Variants in AOC1 observed in about 807,000 individuals in gnomAD.
AOC1 encodes diamine oxidase [copper-containing].
In AOC1, 58 loss-of-function variants were observed where a neutral mutation model predicts 57.1. The observed-to-expected ratio is 1.02, with a 90% CI of 0.82 to 1.26. AOC1 has a LOEUF of 1.26. Among genes scored for constraint, AOC1 ranks in the 50% most tolerant of loss-of-function variants. The pLI is 0.00. For synonymous variants in AOC1, 401 were observed against 423.4 expected (o/e 0.95, Z 0.65); for missense variants, 917 against 1,005.3 (o/e 0.91, Z 1.19).
intron 4 of AOC1, 103 bp downstream of exon 4, chr7:150,860,736 C>A: frequency 6.9e-7 from 1 of 1,452,776 alleles, no homozygotes; most frequent in Non-Finnish European, 9.4e-7. Flanking sequence ...CACCCTTTGC[C>A]CAGATCTGTC....
chr7:150,858,179 C>G (rs1799853945), intron 2 of AOC1, 139 bp downstream of exon 2: 1 of 1,243,292 alleles, frequency 8.0e-7, no homozygotes, highest in African/African-American at 1.5e-5. Flanking sequence ...AAACCTAAAG[C>G]TAGAAATTTG....
chr7:150,857,753 G>A lies in AOC1; in HGVS notation c.1283G>A (p.Arg428Gln), dbSNP rs368886790. The change falls in exon 2 of 5, where the codon CGG (arginine) becomes CAG (glutamine). Residue 428 changes from arginine to glutamine, a missense_variant. Transcript: ENST00000360937. This position sits in a 1 kb window ranked among gnomAD's most constrained non-coding sequence, Gnocchi z 6.6. ...GAAATGCCCACAGGGGTGCCCCTTC[G>A]GCGGCACTTTAATTCCAACTTTAAA... ...LFEMPTGVPL[R>Q]RHFNSNFKGG... is the part of the protein sequence containing the mutation. 12 of 1,614,038 alleles carry A rather than the reference G, an allele frequency of 7.4e-6. No individual in the cohort carries two copies. Among genetic ancestry groups the A allele is most frequent in the Middle Eastern group, 1.6e-4 (1 of 6,084 alleles).
chr7:150,860,639 GC>G lies in AOC1; in HGVS notation c.1989+9del. The G allele has an allele frequency of 1.2e-6, 2 of 1,613,518 alleles. No homozygotes were observed. Among genetic ancestry groups the G allele is most frequent in the Non-Finnish European group, 1.7e-6 (2 of 1,179,628 alleles). ...ACGAGAACATTGAAAATGAGGTACT[GC>G]CCTGTCCCCAGCCCTGCCCGGTGCT... is the stretch of plus-strand genomic sequence containing the variant. On this transcript the variant is annotated splice_region_variant and intron_variant, in intron 4 of 4. Coordinates refer to ENST00000360937, the MANE Select transcript of AOC1 (RefSeq NM_001091.4).
Position 150,856,542 on chromosome 7 carries a change from G to C in AOC1, c.72G>C (p.Gly24=), listed in dbSNP as rs945434201. The C allele has an allele frequency of 6.2e-7, 1 of 1,614,154 alleles. No homozygotes were observed. Among genetic ancestry groups the C allele is most frequent in the Non-Finnish European group, 8.5e-7 (1 of 1,179,994 alleles). ...LQTAMAEPSP[G]TLPRKAGVFS... ...CGGCCATGGCGGAGCCCTCCCCGGG[G>C]ACTCTGCCCAGGAAGGCAGGGGTGT... Residue 24 remains glycine, a synonymous_variant, in exon 2 of 5, where the codon GGG becomes GGC. Transcript: ENST00000360937. This position sits in a 1 kb window ranked among gnomAD's most constrained non-coding sequence, Gnocchi z 5.2.
In AOC1 at chr7:150,860,918, C is replaced by G. The variant is rs374940654; in HGVS notation, c.1990-25C>G. ...AGTGGTCAGTACTCAGCCCTGCCCACTGAAGCCCACCCTGTCTCCTGCAGG... is the reference window on the plus strand; with the variant it reads ...AGTGGTCAGTACTCAGCCCTGCCCAGTGAAGCCCACCCTGTCTCCTGCAGG... On this transcript the variant is annotated intron_variant, in intron 4 of 4. Transcript: ENST00000360937. The G allele has an allele frequency of 1.9e-4, 302 of 1,601,548 alleles. 1 individual carries two copies. The highest frequency in any genetic ancestry group is 2.5e-4 in the Non-Finnish European group (291 of 1,175,138).
chr7:150,856,745 A>G lies in AOC1; in HGVS notation c.275A>G (p.His92Arg), dbSNP rs375216693. Residue 92 changes from histidine (H) to arginine (R), a missense_variant, in exon 2 of 5, where the codon CAT (histidine) becomes CGT (arginine). Transcript: ENST00000360937. The surrounding 1 kb of genome is among the most constrained non-coding windows in gnomAD (Gnocchi z 5.2). ...VLRFLDKGER[H>R]PVREARAVIF... ...AGGTTTCTGGATAAAGGTGAAAGGC[A>G]TCCTGTGCGGGAAGCCCGTGCCGTC... 4 of 1,614,162 alleles carry G rather than the reference A, an allele frequency of 2.5e-6. No individual in the cohort carries two copies. In the African/African-American group the frequency reaches 5.3e-5, roughly 22 times the overall value.
In AOC1 at chr7:150,857,877, C is replaced by G. The variant is rs1373409908; in HGVS notation, c.1407C>G (p.Phe469Leu). The G allele has an allele frequency of 6.2e-7, 1 of 1,613,770 alleles. No homozygotes were observed. Among genetic ancestry groups the G allele is most frequent in the Admixed American group, 1.7e-5 (1 of 60,008 alleles). Reference sequence around the variant, plus strand: ...ATGATTACATTTGGGACTTTATCTTCTACCCCAACGGGGTGATGGAGGCCA... The same window carrying G: ...ATGATTACATTTGGGACTTTATCTTGTACCCCAACGGGGTGATGGAGGCCA... ...YNYDYIWDFI[F>L]YPNGVMEAKM... The change falls in exon 2 of 5, where the codon TTC becomes TTG. Residue 469 changes from phenylalanine to leucine, a missense_variant. Physicochemically the swap from Phe to Leu is conservative, Grantham distance 22. Coordinates refer to ENST00000360937, the MANE Select transcript of AOC1 (RefSeq NM_001091.4). This position sits in a 1 kb window ranked among gnomAD's most constrained non-coding sequence, Gnocchi z 6.6.
chr7:150,861,373 C>T lies in AOC1; in HGVS notation c.*164C>T, dbSNP rs1584807177. 4 of 701,658 alleles carry T rather than the reference C, an allele frequency of 5.7e-6. No homozygotes were observed. In the Admixed American group the frequency reaches 1.2e-4, roughly 22 times the overall value. 43.5% of individuals were successfully genotyped at this position (701,658 alleles called of 1,614,324 possible). On this transcript the variant is annotated 3_prime_UTR_variant, in exon 5 of 5. Transcript: ENST00000360937. The surrounding 1 kb of genome is among the most constrained non-coding windows in gnomAD (Gnocchi z 4.5). ...ACAGACGTGCACACACACAGACGTGCACACACACACAGACATGCACACACA... is the reference window on the plus strand; with the variant it reads ...ACAGACGTGCACACACACAGACGTGTACACACACACAGACATGCACACACA...
In AOC1 at chr7:150,856,872, C is replaced by A. The variant is rs369516482; in HGVS notation, c.402C>A (p.Tyr134Ter). 6.2e-7 allele frequency: 1 copy of A among 1,613,988 alleles called. No individual in the cohort carries two copies. The highest frequency in any genetic ancestry group is 8.5e-7 in the Non-Finnish European group (1 of 1,179,980). The stretch of plus-strand genomic sequence containing the variant: ...GAGCACTGTCCCCCAGGCCTGGGTA[C>A]CAGTCCTCCTGGGCATCGAGGCCCA... ...YMRALSPRPG[Y>*]QSSWASRPIS... The change falls in exon 2 of 5, where the codon TAC (tyrosine) becomes TAA (stop). Residue 134 changes from tyrosine to a stop codon, truncating the protein, a stop_gained. Transcript: ENST00000360937. LOFTEE classifies it high-confidence loss of function. This position sits in a 1 kb window ranked among gnomAD's most constrained non-coding sequence, Gnocchi z 5.2.
In AOC1 at chr7:150,852,836, C is replaced by T. The variant is rs1056543535; in HGVS notation, c.-17+278C>T. ...TGCCTGGAGGTCTCACCAGCCACCA[C>T]CCCCACTGCCACTGCACATGGGGAC... On this transcript the variant is annotated intron_variant, in intron 1 of 4. Transcript: ENST00000360937. This position sits in a 1 kb window ranked among gnomAD's most constrained non-coding sequence, Gnocchi z 4.6. Among the ~76,000 whole-genome samples the T allele has an allele frequency of 5.9e-5, 9 of 152,118 alleles. No homozygotes were observed. Among genetic ancestry groups the T allele is most frequent in the Non-Finnish European group, 1.2e-4 (8 of 68,040 alleles).
Position 150,861,410 on chromosome 7 carries a change from A to ATG in AOC1, c.*201_*202insTG, listed in dbSNP as rs1799966543. ...GACATGCACACACACACAGACGTGC[A>ATG]CACACACAGACGTGCACGCACTCAC... is the stretch of plus-strand genomic sequence containing the variant. On this transcript the variant is annotated 3_prime_UTR_variant, in exon 5 of 5. Transcript: ENST00000360937. The surrounding 1 kb of genome is among the most constrained non-coding windows in gnomAD (Gnocchi z 4.5). 5.2e-6 allele frequency: 3 copies of ATG among 573,646 alleles called. No individual in the cohort carries two copies. Among genetic ancestry groups the ATG allele is most frequent in the Non-Finnish European group, 8.8e-6 (3 of 339,276 alleles). 35.5% of individuals were successfully genotyped at this position (573,646 alleles called of 1,614,324 possible).
chr7:150,860,350 G>A, intron 3 of AOC1, 151 bp from the exon 4 acceptor site: 1 of 1,378,310 alleles, frequency 7.3e-7, no homozygotes, highest in Non-Finnish European at 9.8e-7. Flanking sequence ...GTTAACAGCA[G>A]CCCGTCCTGC....
chr7:150,856,325 G>C lies in AOC1; in HGVS notation c.-16-130G>C. 8.1e-7 allele frequency: 1 copy of C among 1,231,792 alleles called. No individual in the cohort carries two copies. The highest frequency in any genetic ancestry group is 1.1e-6 in the Non-Finnish European group (1 of 909,152). 76.3% of individuals were successfully genotyped at this position (1,231,792 alleles called of 1,614,324 possible). On this transcript the variant is annotated intron_variant, in intron 1 of 4. Transcript: ENST00000360937. The surrounding 1 kb of genome is among the most constrained non-coding windows in gnomAD (Gnocchi z 5.2). The stretch of plus-strand genomic sequence containing the variant: ...ATGCATGGGGCCCCAGCTGCCCCAG[G>C]ACAGCCTCCAGCTTGGGGCAGGGCA...
In AOC1 at chr7:150,857,038, C is replaced by T. The variant is rs374401802; in HGVS notation, c.568C>T (p.Arg190Trp). The change falls in exon 2 of 5, where the codon CGG (arginine) becomes TGG (tryptophan). Residue 190 changes from arginine (R) to tryptophan (W), a missense_variant. By Grantham distance (101) the Arg-to-Trp change is moderately radical. Transcript: ENST00000360937. The surrounding 1 kb of genome is among the most constrained non-coding windows in gnomAD (Gnocchi z 6.6). The stretch of plus-strand genomic sequence containing the variant: ...CCTGGCCTTCACCGATGTGGCCCCC[C>T]GGGGTGTGGCTTCTGGCCAGCGCCG... ...RCLAFTDVAP[R>W]GVASGQRRSW... 1.5e-5 allele frequency: 24 copies of T among 1,614,028 alleles called. No individual in the cohort carries two copies. Among genetic ancestry groups the T allele is most frequent in the African/African-American group, 8.0e-5 (6 of 74,942 alleles).
At chr7:150,853,053 T>C (rs1331159373) in intron 1 of AOC1, among the ~76,000 whole-genome samples, 1 of 151,994 alleles carries the variant, frequency 6.6e-6, no homozygotes, top group South Asian at 2.1e-4. Flanking sequence ...AGATTCCAAA[T>C]ACAGGACGTT....
In AOC1 at chr7:150,861,346, G is replaced by A. The variant is rs548806475; in HGVS notation, c.*137G>A. 2.6e-5 allele frequency: 26 copies of A among 1,002,500 alleles called. No homozygotes were observed. In the Admixed American group the frequency reaches 4.4e-4, roughly 17 times the overall value. 62.1% of individuals were successfully genotyped at this position (1,002,500 alleles called of 1,614,324 possible). A position where few individuals can be genotyped will look rare whatever the true frequency, so the allele number is the denominator to read the frequency against. ...AGGGCCATGTGTGTAGGAAACACACGAACAGACGTGCACACACACAGACGT... is the reference window on the plus strand; with the variant it reads ...AGGGCCATGTGTGTAGGAAACACACAAACAGACGTGCACACACACAGACGT... On this transcript the variant is annotated 3_prime_UTR_variant, in exon 5 of 5. Coordinates refer to ENST00000360937, the MANE Select transcript of AOC1 (RefSeq NM_001091.4). The surrounding 1 kb of genome is among the most constrained non-coding windows in gnomAD (Gnocchi z 4.5).
chr7:150,860,115 G>A (rs1190233184), intron 3 of AOC1, among the ~76,000 whole-genome samples: 1 of 151,584 alleles, frequency 6.6e-6, no homozygotes, highest in Non-Finnish European at 1.5e-5. Flanking sequence ...GGAGGCAGAG[G>A]TTGCAGTGAG....
chr7:150,856,706 A>C lies in AOC1; in HGVS notation c.236A>C (p.Lys79Thr), dbSNP rs1312522071. Reference sequence around the variant, plus strand: ...CTCATCGAGATGCTGCTGCCCAAGAAGTACCATGTGCTGAGGTTTCTGGAT... The same window carrying C: ...CTCATCGAGATGCTGCTGCCCAAGACGTACCATGTGCTGAGGTTTCTGGAT... ...VFLIEMLLPKKYHVLRFLDKG... is the reference protein window; with the variant it reads ...VFLIEMLLPKTYHVLRFLDKG... The change falls in exon 2 of 5, where the codon AAG becomes ACG. Residue 79 changes from lysine (K) to threonine (T), a missense_variant. Lys to Thr is a moderately conservative substitution (Grantham distance 78, BLOSUM62 -1). Coordinates refer to ENST00000360937, the MANE Select transcript of AOC1 (RefSeq NM_001091.4). The surrounding 1 kb of genome is among the most constrained non-coding windows in gnomAD (Gnocchi z 5.2). 1 of 1,614,154 alleles carries C rather than the reference A, an allele frequency of 6.2e-7. No homozygotes were observed.
Position 150,856,629 on chromosome 7 carries a change from G to A in AOC1, c.159G>A (p.Glu53=), listed in dbSNP as rs117779040. 314 of 1,614,134 alleles carry A rather than the reference G, an allele frequency of 1.9e-4. 1 individual carries two copies. In the East Asian group the frequency reaches 6.8e-3, roughly 35 times the overall value. The change falls in exon 2 of 5, where the codon GAG becomes GAA. Residue 53 remains glutamate, a synonymous_variant. Coordinates refer to ENST00000360937, the MANE Select transcript of AOC1 (RefSeq NM_001091.4). This position sits in a 1 kb window ranked among gnomAD's most constrained non-coding sequence, Gnocchi z 5.2. ...AVHSFLWSKK[E]LRLQPSSTTT... ...ACAGCTTCCTCTGGTCCAAGAAGGA[G>A]CTGAGGCTGCAGCCCTCCAGTACCA...
Sources: allele counts gnomAD v4.1 joint callset (sites outside exome capture counted in the v4.1 genomes callset), GRCh38; gene constraint gnomAD v4.1.1; non-coding constraint Gnocchi (gnomAD v3.1); transcripts MANE v1.5; gene names NCBI Gene and HGNC (gene_info 2026-07-23, HGNC 2026-07-21).